THADA: variants seen among roughly 807,000 people sequenced by gnomAD.
The protein encoded by THADA is tRNA (32-2'-O)-methyltransferase regulator THADA.
In THADA, 213 loss-of-function variants were observed where a neutral mutation model predicts 219.8. The observed-to-expected ratio is 0.97, with a 90% confidence interval of 0.87 to 1.09. The LOEUF is 1.09. Ranked by LOEUF, THADA falls within the 50% of genes least tolerant of loss-of-function variation. The pLI, the probability that THADA is intolerant of heterozygous loss-of-function variation, is 0.00. For missense variants in THADA, 2,956 were observed against 2,311.3 expected (o/e 1.28, Z -5.72); for synonymous variants, 1,018 against 828.9 (o/e 1.23, Z -3.92).
At chr2:43,446,526 T>C (rs1558773886) in intron 26 of THADA, among the ~76,000 whole-genome samples, 2 of 152,202 alleles carry the variant, frequency 1.3e-5, no homozygotes. Context: ...TGTGAAGCCA[T>C]GTTGGTTCTA....
chr2:43,545,607 T>C (rs1206635241), intron 20 of THADA, among the ~76,000 whole-genome samples: 2 of 152,002 alleles, frequency 1.3e-5, no homozygotes, highest in African/African-American at 2.4e-5. Context: ...CGTGGGAGGG[T>C]GTATGTGTCG....
chr2:43,234,739 C>T lies in THADA; in HGVS notation c.5297-1857G>A, dbSNP rs555701870. On this transcript the variant is annotated intron_variant, in intron 36 of 37. Coordinates refer to ENST00000405975, the MANE Select transcript of THADA (RefSeq NM_022065.5). The stretch of plus-strand genomic sequence containing the variant: ...CGTGATCTTGGCTCACTGCAACCTC[C>T]GCCTCCTGGGTTCAAGCAATTCTCC... Among the ~76,000 whole-genome samples the T allele has an allele frequency of 2.8e-3, 431 of 152,248 alleles. 1 individual carries two copies. Among genetic ancestry groups the T allele is most frequent in the Non-Finnish European group, 4.9e-3 (335 of 68,026 alleles).
In THADA at chr2:43,574,366, T is replaced by A. The variant is rs1699613150; in HGVS notation, c.1699A>T (p.Ile567Phe). The A allele has an allele frequency of 1.3e-6, 2 of 1,588,174 alleles. No individual in the cohort carries two copies. The highest frequency in any genetic ancestry group is 1.7e-6 in the Non-Finnish European group (2 of 1,169,796). ...SPESLQYMVK[I>F]LQTSIDAKTG... ...TTAGCATCAATAGAAGTCTGAAGAATCTTTACCATGTACTGTAAGCTTTCA... is the reference window on the plus strand; with the variant it reads ...TTAGCATCAATAGAAGTCTGAAGAAACTTTACCATGTACTGTAAGCTTTCA... The change falls in exon 11 of 38, where the codon ATT (isoleucine) becomes TTT (phenylalanine). Residue 567 changes from isoleucine (I) to phenylalanine (F), a missense_variant. Coordinates refer to ENST00000405975, the MANE Select transcript of THADA (RefSeq NM_022065.5).
At chr2:43,262,101 G>A (rs1251659670) in intron 36 of THADA, among the ~76,000 whole-genome samples, 1 of 152,194 alleles carries the variant, frequency 6.6e-6, no homozygotes, top group Non-Finnish European at 1.5e-5. Context: ...CTTTATCAAA[G>A]TGACATAGAG....
chr2:43,516,219 C>T (rs761331616), intron 22 of THADA, among the ~76,000 whole-genome samples: 1 of 152,160 alleles, frequency 6.6e-6, no homozygotes, highest in African/African-American at 2.4e-5. Context: ...ATTATCAACA[C>T]AGAAGTAAGA....
At chr2:43,581,973 A>C in intron 7 of THADA, 45 bp from the exon 8 acceptor site, 1 of 1,378,960 alleles carries the variant, frequency 7.3e-7, no homozygotes, top group Non-Finnish European at 9.6e-7. Context: ...ATTCAAACAA[A>C]AGTGTGAACA....
chr2:43,557,091 GA>G (rs368662792), intron 16 of THADA, among the ~76,000 whole-genome samples: 18 of 150,860 alleles, frequency 1.2e-4, no homozygotes, highest in Admixed American at 1.2e-3. Context: ...TCTATTAAAA[GA>G]AAAAAAACAA....
rs558106500 is a variant in THADA, at chr2:43,532,250, T to G, written c.3265-4262A>C. ...AACACAGTAAAACCCCCGTCTCTAC[T>G]AAAATACAAAATACTAGCCGGGAGT... On this transcript the variant is annotated intron_variant, in intron 21 of 37. Coordinates refer to ENST00000405975, the MANE Select transcript of THADA (RefSeq NM_022065.5). Among the ~76,000 whole-genome samples, 136 of 151,286 alleles carry G rather than the reference T, an allele frequency of 9.0e-4. 1 individual carries two copies. Among genetic ancestry groups the G allele is most frequent in the African/African-American group, 3.2e-3 (133 of 41,286 alleles).
At chr2:43,290,025 G>C (rs1253280703) in intron 34 of THADA, among the ~76,000 whole-genome samples, 2 of 144,910 alleles carry the variant, frequency 1.4e-5, no homozygotes, top group East Asian at 4.1e-4. Flanking sequence ...GCTCAGGCTG[G>C]AGTGCAGTGG....
chr2:43,284,499 T>C (rs1187812315), intron 35 of THADA, among the ~76,000 whole-genome samples: 2 of 151,924 alleles, frequency 1.3e-5, no homozygotes, highest in Middle Eastern at 3.2e-3. Context: ...AAGGCAAGAG[T>C]TGAGGTTTGG....
rs997539455 is a variant in THADA, at chr2:43,571,814, C to A, written c.1957G>T (p.Glu653Ter). Reference protein sequence around the residue: ...GLLCESNRSTEIVSMEEMQWI... With the variant: ...GLLCESNRST Reference sequence around the variant, plus strand: ...TGCATTTCTTCCATGGAAACAATTTCTGTGCTCCGATTACTTTCACAAAGC... The same window carrying A: ...TGCATTTCTTCCATGGAAACAATTTATGTGCTCCGATTACTTTCACAAAGC... Residue 653 changes from glutamate (E) to a stop codon, truncating the protein, a stop_gained, in exon 13 of 38, where the codon GAA becomes TAA. Transcript: ENST00000405975. LOFTEE classifies it high-confidence loss of function. The A allele has an allele frequency of 1.2e-6, 2 of 1,613,822 alleles. No individual in the cohort carries two copies. Among genetic ancestry groups the A allele is most frequent in the African/African-American group, 2.7e-5 (2 of 74,920 alleles).
chr2:43,441,029 AG>A (rs1335010757), intron 26 of THADA, among the ~76,000 whole-genome samples: 1 of 152,236 alleles, frequency 6.6e-6, no homozygotes, highest in Non-Finnish European at 1.5e-5. Flanking sequence ...GAACGTTTTA[AG>A]TAATTGTTTT....
intron 36 of THADA, among the ~76,000 whole-genome samples, chr2:43,246,444 T>G (rs540685632): frequency 6.6e-6 from 1 of 151,884 alleles, no homozygotes; most frequent in East Asian, 1.9e-4. Context: ...GCAGAGAGCT[T>G]AGATTGCGCC....
chr2:43,293,248 A>G, intron 31 of THADA, 35 bp from the exon 32 acceptor site: 2 of 1,566,364 alleles, frequency 1.3e-6, no homozygotes, highest in Non-Finnish European at 1.7e-6. Flanking sequence ...GAAAGAGATA[A>G]TCACTTTAAA....
rs1475137183 is a variant in THADA, at chr2:43,527,966, A to G, written c.3287T>C (p.Phe1096Ser). The G allele has an allele frequency of 4.3e-6, 7 of 1,613,244 alleles. No individual in the cohort carries two copies. The highest frequency in any genetic ancestry group is 5.9e-6 in the Non-Finnish European group (7 of 1,179,534). ...CCTGGACTGCAAAAGGTGTTGTTTAAAGTAATCTCCTATTTCTTTTACCTT... is the reference window on the plus strand; with the variant it reads ...CCTGGACTGCAAAAGGTGTTGTTTAGAGTAATCTCCTATTTCTTTTACCTT... Reference protein sequence around the residue: ...VEQVKEIGDYFKQHLLQSRHR... With the variant: ...VEQVKEIGDYSKQHLLQSRHR... The change falls in exon 22 of 38, where the codon TTT becomes TCT. Residue 1096 changes from phenylalanine to serine, a missense_variant. Physicochemically the swap from Phe to Ser is radical, Grantham distance 155. Transcript: ENST00000405975.
chr2:43,516,324 C>T (rs2103653469), intron 22 of THADA, among the ~76,000 whole-genome samples: 1 of 152,268 alleles, frequency 6.6e-6, no homozygotes, highest in Non-Finnish European at 1.5e-5. Flanking sequence ...AAAGTTCTTA[C>T]ACAATGTCTT....
At chr2:43,564,255 C>T (rs893682415) in intron 15 of THADA, 1 of 152,262 alleles carries the variant, frequency 6.6e-6, no homozygotes, top group African/African-American at 2.4e-5. Context: ...CAAATTACCA[C>T]ATACTTGGTG....
intron 36 of THADA, among the ~76,000 whole-genome samples, chr2:43,272,896 G>C (rs1451055400): frequency 6.6e-6 from 1 of 152,022 alleles, no homozygotes; most frequent in African/African-American, 2.4e-5. Flanking sequence ...AAAGTGCTGG[G>C]ATTACAGGTA....
chr2:43,407,113 G>C (rs950359372), intron 28 of THADA, among the ~76,000 whole-genome samples: 49 of 152,178 alleles, frequency 3.2e-4, no homozygotes, highest in African/African-American at 1.1e-3. Flanking sequence ...GCTTTCCTTT[G>C]GTGTTGACTG....
Sources: gnomAD v4.1 joint callset for allele counts (sites outside exome capture counted in the v4.1 genomes callset) on GRCh38, gnomAD v4.1.1 for gene constraint, MANE v1.5 for transcripts, NCBI Gene and HGNC (gene_info 2026-07-23, HGNC 2026-07-21) for gene names.